The following RACGAP1 variants were observed in gnomAD, a reference collection of about 807,000 sequenced individuals.
RACGAP1 encodes Rac GTPase activating protein 1.
Under a neutral mutation model 78.1 loss-of-function variants are expected in RACGAP1, and 30 were observed. That is an observed-to-expected ratio of 0.38 (90% CI 0.29 to 0.52). The LOEUF is 0.52. Ranked by LOEUF, RACGAP1 falls within the 20% of genes least tolerant of loss-of-function variation. The pLI is 0.82. For missense variants in RACGAP1, 587 were observed against 777.1 expected (o/e 0.76, Z 2.91); for synonymous variants, 231 against 264.8 (o/e 0.87, Z 1.24).
In RACGAP1 at chr12:50,007,153, A is replaced by G. The variant is rs559448626; in HGVS notation, c.86-517T>C. Among the ~76,000 whole-genome samples, 7 of 152,284 alleles carry G rather than the reference A, an allele frequency of 4.6e-5. 1 individual carries two copies. In the South Asian group the frequency reaches 1.5e-3, roughly 32 times the overall value. On this transcript the variant is annotated intron_variant, in intron 2 of 16. Transcript: ENST00000312377. ...TCTAGACCTACAATTCCATTTGGCT[A>G]TATAATTATACAAATATTGATTTGA...
chr12:49,992,313 T>C lies in RACGAP1; in HGVS notation c.1510A>G (p.Ile504Val), dbSNP rs768320789. ...GGATTGGGCACAGCATGGGCCACTA[T>C]TGTAGGGCCAAAGACTTTAGCCAGA... The part of the protein sequence containing the change: ...ANLAKVFGPT[I>V]VAHAVPNPDP... The change falls in exon 14 of 17, where the codon ATA (isoleucine) becomes GTA (valine). Residue 504 changes from isoleucine (I) to valine (V), a missense_variant. Coordinates refer to ENST00000312377, the MANE Select transcript of RACGAP1 (RefSeq NM_001319999.2). 11 of 1,614,050 alleles carry C rather than the reference T, an allele frequency of 6.8e-6. No homozygotes were observed. Among genetic ancestry groups the C allele is most frequent in the African/African-American group, 5.3e-5 (4 of 74,936 alleles).
intron 9 of RACGAP1, among the ~76,000 whole-genome samples, chr12:49,998,141 G>A (rs950780829): frequency 2.0e-5 from 3 of 151,964 alleles, no homozygotes; most frequent in Non-Finnish European, 4.4e-5. Context: ...GGTGGCTCAC[G>A]CCTGTAATCC....
chr12:50,025,643 A>C, upstream of RACGAP1: 1 of 735,510 alleles, frequency 1.4e-6, no homozygotes, highest in Non-Finnish European at 1.7e-6. Context: ...ATTTTGACTA[A>C]TGTCAACGGT....
intron 2 of RACGAP1, among the ~76,000 whole-genome samples, chr12:50,031,336 G>T (rs775555053): frequency 1.3e-5 from 2 of 151,146 alleles, no homozygotes; most frequent in Admixed American, 6.6e-5. Flanking sequence ...AAAATTAGCC[G>T]GCCATTGTGG....
intron 1 of RACGAP1, 154 bp from the exon 2 acceptor site, chr12:50,016,873 ATTC>A (rs1380090522): frequency 1.5e-6 from 2 of 1,370,178 alleles, no homozygotes; most frequent in African/African-American, 2.9e-5. Context: ...GTTTTGTGTG[ATTC>A]TTATTATAAA....
chr12:50,022,598 G>A (rs7309480), intron 1 of RACGAP1, among the ~76,000 whole-genome samples: 23,249 of 151,644 alleles, frequency 0.15, 2,869 homozygotes, highest in African/African-American at 0.35. Flanking sequence ...AAAACAAAAC[G>A]AAAACAAAAA....
intron 1 of RACGAP1, chr12:50,021,170 G>A (rs1949986356): frequency 3.1e-6 from 3 of 960,312 alleles, no homozygotes; most frequent in Non-Finnish European, 2.5e-6. Context: ...CCATAGCTAG[G>A]AGATACACTA....
chr12:49,991,749 C>A (rs1947897718), intron 15 of RACGAP1, among the ~76,000 whole-genome samples: 1 of 151,472 alleles, frequency 6.6e-6, no homozygotes, highest in South Asian at 2.1e-4. Flanking sequence ...AGCCTCCCTC[C>A]CAAAGTGCTG....
intron 1 of RACGAP1, chr12:50,018,541 G>C (rs1381377899): frequency 7.8e-7 from 1 of 1,288,570 alleles, no homozygotes; most frequent in Non-Finnish European, 1.0e-6. Flanking sequence ...ACAGAAACAG[G>C]GGCAGGACAT....
At chr12:49,996,668 A>AAAAAAAAAAT (rs1948302735) in intron 10 of RACGAP1, among the ~76,000 whole-genome samples, 4 of 129,334 alleles carry the variant, frequency 3.1e-5, no homozygotes, top group African/African-American at 1.5e-4. Flanking sequence ...AAAAAAAAAA[A>AAAAAAAAAAT]TGGACACAAG....
chr12:49,992,527 GA>G, intron 13 of RACGAP1, 22 bp downstream of exon 13: 1 of 1,606,284 alleles, frequency 6.2e-7, no homozygotes, highest in South Asian at 1.1e-5. Flanking sequence ...CTAACTCCCA[GA>G]ACAAGTTTCT....
At chr12:50,029,215 C>CA (rs1223077511), upstream of RACGAP1, among the ~76,000 whole-genome samples, 226 of 72,648 alleles carry the variant, frequency 3.1e-3, no homozygotes, top group East Asian at 4.9e-3. Context: ...GACTCCATCT[C>CA]AAAAAAAAAA....
chr12:49,991,574 G>A (rs568261768), intron 15 of RACGAP1, among the ~76,000 whole-genome samples: 2 of 136,064 alleles, frequency 1.5e-5, no homozygotes, highest in Admixed American at 7.8e-5. Context: ...TGCAAATTCC[G>A]CCTCCTGGGT....
chr12:49,996,979 C>A, intron 10 of RACGAP1, 61 bp downstream of exon 10: 2 of 1,402,360 alleles, frequency 1.4e-6, no homozygotes, highest in Non-Finnish European at 9.4e-7. Context: ...AAAACTGACA[C>A]TAAGCCTTTG....
chr12:50,010,337 T>G (rs1421178663), intron 2 of RACGAP1, among the ~76,000 whole-genome samples: 1 of 151,790 alleles, frequency 6.6e-6, no homozygotes, highest in African/African-American at 2.4e-5. Flanking sequence ...TTTTTTCTTT[T>G]TTAAGAGATG....
chr12:50,003,555 T>G (rs1488683351), intron 5 of RACGAP1, among the ~76,000 whole-genome samples: 1 of 152,204 alleles, frequency 6.6e-6, no homozygotes, highest in African/African-American at 2.4e-5. Flanking sequence ...ACCAAAAACT[T>G]CCTGATTTGT....
chr12:50,000,492 G>A (rs1006895294), intron 7 of RACGAP1, among the ~76,000 whole-genome samples: 4 of 152,084 alleles, frequency 2.6e-5, no homozygotes, highest in African/African-American at 9.7e-5. Context: ...GTTTGGCTGG[G>A]TGCAGTGGCT....
intron 1 of RACGAP1, chr12:50,018,436 T>C: frequency 1.2e-6 from 1 of 846,368 alleles, no homozygotes; most frequent in Non-Finnish European, 1.7e-6. Context: ...ACTAAAAGGA[T>C]AGCATTAAAA....
intron 2 of RACGAP1, among the ~76,000 whole-genome samples, chr12:50,008,771 G>A (rs1949132288): frequency 6.6e-6 from 1 of 152,068 alleles, no homozygotes; most frequent in Non-Finnish European, 1.5e-5. Flanking sequence ...AGGATTATAG[G>A]CATAAGCCAC....
Sources: allele counts gnomAD v4.1 joint callset (sites outside exome capture counted in the v4.1 genomes callset), GRCh38; gene constraint gnomAD v4.1.1; transcripts MANE v1.5; gene names NCBI Gene and HGNC (gene_info 2026-07-23, HGNC 2026-07-21).